The following MSH4 variants were observed in gnomAD, a reference collection of about 807,000 sequenced individuals.
MSH4 encodes the protein mutS protein homolog 4.
In MSH4, 106 loss-of-function variants were observed where a neutral mutation model predicts 113.7. That is an observed-to-expected ratio of 0.93 (90% confidence interval 0.80 to 1.10). MSH4 has a LOEUF of 1.10. Ranked by LOEUF, MSH4 falls within the 50% of genes least tolerant of loss-of-function variation. MSH4 has a pLI of 0.00. For synonymous variants in MSH4, 368 were observed against 380.2 expected, an observed-to-expected ratio of 0.97 and a Z score of 0.37; for missense variants, 1,061 against 1,093.7, an observed-to-expected ratio of 0.97 and a Z score of 0.42.
intron 17 of MSH4, 45 bp from the exon 18 acceptor site, chr1:75,897,862 T>G (rs778029594): frequency 1.6e-6 from 2 of 1,215,448 alleles, no homozygotes; most frequent in Non-Finnish European, 1.1e-6. Flanking sequence ...AATTTTCTAG[T>G]TAATTTTTAA....
chr1:75,851,524 G>T (rs746643839), intron 8 of MSH4, among the ~76,000 whole-genome samples: 69 of 151,998 alleles, frequency 4.5e-4, no homozygotes, highest in Non-Finnish European at 7.2e-4. Context: ...TGATTCTTGT[G>T]CCTCAGCCTC....
At chr1:75,885,049 G>GTATATATATATATATA (rs1431311570) in intron 15 of MSH4, among the ~76,000 whole-genome samples, 14 of 109,048 alleles carry the variant, frequency 1.3e-4, no homozygotes, top group African/African-American at 5.5e-4. Context: ...GTGTGTGTGT[G>GTATATATATATATATA]TGTGTGTGTG....
intron 7 of MSH4, among the ~76,000 whole-genome samples, chr1:75,838,313 T>G (rs1650875716): frequency 6.6e-6 from 1 of 152,302 alleles, no homozygotes; most frequent in Admixed American, 6.5e-5. Flanking sequence ...GCTTTTGTAC[T>G]TATATCTTCT....
At chr1:75,883,155 C>G (rs1288237198) in intron 14 of MSH4, among the ~76,000 whole-genome samples, 1 of 149,808 alleles carries the variant, frequency 6.7e-6, no homozygotes, top group African/African-American at 2.5e-5. Context: ...CAGGCATGAG[C>G]CATTACACCT....
rs755041942 is a variant in MSH4 at position 75,797,067 on chromosome 1, G to C, written c.82G>C (p.Gly28Arg). The change falls in exon 1 of 20, where the codon GGT (glycine) becomes CGT (arginine). Residue 28 changes from glycine to arginine, a missense_variant. Gly to Arg is a moderately radical substitution (Grantham distance 125, BLOSUM62 -2). Coordinates refer to ENST00000263187, the MANE Select transcript of MSH4 (RefSeq NM_002440.4). The part of the protein sequence containing the change: ...PSSGETRSPQ[G>R]PRYNFGLQET... ...GTCGGGAGAAACCCGCTCACCTCAG[G>C]GTCCCCGCTACAATTTCGGACTCCA... 1.9e-6 allele frequency: 3 copies of C among 1,613,890 alleles called. No individual in the cohort carries two copies. In the African/African-American group the frequency reaches 4.0e-5, roughly 22 times the overall value.
chr1:75,903,127 A>T (rs1388701001), intron 19 of MSH4, among the ~76,000 whole-genome samples: 1 of 151,882 alleles, frequency 6.6e-6, no homozygotes, highest in Non-Finnish European at 1.5e-5. Flanking sequence ...GCCCACATTA[A>T]TATCCTAAAG....
chr1:75,845,306 T>A (rs778830642), intron 7 of MSH4, among the ~76,000 whole-genome samples: 8 of 152,222 alleles, frequency 5.3e-5, no homozygotes, highest in Non-Finnish European at 7.3e-5. Context: ...GAATCTCATC[T>A]GAATCAGATA....
chr1:75,883,117 A>G (rs1244948298), intron 14 of MSH4, among the ~76,000 whole-genome samples: 7 of 151,376 alleles, frequency 4.6e-5, no homozygotes, highest in African/African-American at 9.7e-5. Flanking sequence ...AGATCCTCCT[A>G]TCTCAACCCC....
chr1:75,889,450 A>G, intron 16 of MSH4, 81 bp downstream of exon 16: 2 of 647,974 alleles, frequency 3.1e-6, no homozygotes, highest in Middle Eastern at 2.7e-4. Flanking sequence ...ATATTTTTAT[A>G]CTAAAATATG....
chr1:75,910,433 T>C (rs1268363651), intron 19 of MSH4, among the ~76,000 whole-genome samples: 2 of 150,172 alleles, frequency 1.3e-5, no homozygotes, highest in Non-Finnish European at 2.9e-5. Flanking sequence ...CTTTTTCTTT[T>C]CTTTTTTTTT....
At chr1:75,861,137 T>G (rs943967485) in intron 8 of MSH4, among the ~76,000 whole-genome samples, 1 of 149,060 alleles carries the variant, frequency 6.7e-6, no homozygotes, top group African/African-American at 2.5e-5. Context: ...CTTCTCTACA[T>G]GGTTATTCTA....
intron 19 of MSH4, among the ~76,000 whole-genome samples, chr1:75,908,759 T>C (rs1274243273): frequency 6.6e-6 from 1 of 152,170 alleles, no homozygotes; most frequent in Admixed American, 6.5e-5. Context: ...TTTGCAATTG[T>C]CTGTGATTCC....
intron 7 of MSH4, among the ~76,000 whole-genome samples, chr1:75,838,274 G>A (rs2100537275): frequency 6.6e-6 from 1 of 152,216 alleles, no homozygotes; most frequent in Admixed American, 6.5e-5. Context: ...AAAGCCAGAA[G>A]TAGATCATTT....
intron 7 of MSH4, among the ~76,000 whole-genome samples, chr1:75,846,877 C>T (rs1355019474): frequency 1.3e-5 from 2 of 152,174 alleles, no homozygotes; most frequent in African/African-American, 4.8e-5. Context: ...ATAGCAACAA[C>T]CCCAGTCTTG....
rs188832722 is a variant in MSH4, at chr1:75,888,770, T to G, written c.2108-481T>G. ...TCCCTTCATATTTTAATATTTTGAA[T>G]GTTATCATTCAAGTAAGTTATTTAA... On this transcript the variant is annotated intron_variant, in intron 15 of 19. Coordinates refer to ENST00000263187, the MANE Select transcript of MSH4 (RefSeq NM_002440.4). Among the ~76,000 whole-genome samples the G allele has an allele frequency of 2.4e-4, 37 of 152,306 alleles. 1 individual carries two copies. Among genetic ancestry groups the G allele is most frequent in the African/African-American group, 8.9e-4 (37 of 41,588 alleles).
chr1:75,906,485 ATATTAT>A (rs766897800), intron 19 of MSH4, among the ~76,000 whole-genome samples: 87 of 960 alleles, frequency 0.091, 18 homozygotes, highest in East Asian at 0.5. Flanking sequence ...TAATATATAC[ATATTAT>A]ATATTATATA....
At chr1:75,900,370 C>T (rs1030644580) in intron 19 of MSH4, among the ~76,000 whole-genome samples, 3 of 152,168 alleles carry the variant, frequency 2.0e-5, no homozygotes, top group African/African-American at 7.2e-5. Context: ...GGCATGATCT[C>T]GGCTCACTGC....
intron 7 of MSH4, among the ~76,000 whole-genome samples, chr1:75,827,274 G>A (rs1315092735): frequency 6.6e-6 from 1 of 152,120 alleles, no homozygotes; most frequent in African/African-American, 2.4e-5. Context: ...ATCCTTTACA[G>A]ACAAGCAAAT....
chr1:75,910,994 GATTT>G (rs1276112343), intron 19 of MSH4, among the ~76,000 whole-genome samples: 2 of 151,680 alleles, frequency 1.3e-5, no homozygotes, highest in African/African-American at 4.8e-5. Flanking sequence ...AACTTTTAAT[GATTT>G]ATTACAAAGT....
Sources: gnomAD v4.1 joint callset for allele counts (sites outside exome capture counted in the v4.1 genomes callset) on GRCh38, gnomAD v4.1.1 for gene constraint, MANE v1.5 for transcripts, NCBI Gene and HGNC (gene_info 2026-07-23, HGNC 2026-07-21) for gene names.